The following MOG variants were observed in gnomAD, a reference collection of about 807,000 sequenced individuals.
MOG encodes myelin oligodendrocyte glycoprotein, also known as myelin-oligodendrocyte glycoprotein.
MOG carries 20 observed loss-of-function variants against 35.9 expected under a neutral mutation model. That is an observed-to-expected ratio of 0.56 (90% CI 0.39 to 0.81). The LOEUF (loss-of-function observed/expected upper bound fraction) is 0.81. MOG is among the 30% of genes least tolerant of loss of function. The pLI, the probability that MOG is intolerant of heterozygous loss-of-function variation, is 0.00. For missense variants in MOG, 251 were observed against 301.0 expected (o/e 0.83, Z 1.23); for synonymous variants, 92 against 114.3 (o/e 0.80, Z 1.25).
At chr6:29,661,537 C>G in intron 2 of MOG, 2 of 985,166 alleles carry the variant, frequency 2.0e-6, no homozygotes, top group Non-Finnish European at 2.4e-6. Context: ...AAAAGGAAGA[C>G]AAGCCGGTTG....
At position 29,659,467 on chromosome 6, in the gene MOG, C is replaced by G; in HGVS notation, c.237C>G (p.Leu79=). 1 of 1,613,010 alleles carries G rather than the reference C, an allele frequency of 6.2e-7. No individual in the cohort carries two copies. The highest frequency in any genetic ancestry group is 1.3e-5 in the African/African-American group (1 of 75,006). The part of the protein sequence containing the change: ...YRPPFSRVVH[L]YRNGKDQDGD... ...CCCCCTTCTCTAGGGTGGTTCATCT[C>G]TACAGAAATGGCAAGGACCAAGATG... Residue 79 remains leucine (L), a synonymous_variant, in exon 2 of 8, where the codon CTC becomes CTG. Coordinates refer to ENST00000376917, the MANE Select transcript of MOG (RefSeq NM_206809.4).
At chr6:29,660,939 C>T (rs1421985755) in intron 2 of MOG, among the ~76,000 whole-genome samples, 1 of 151,982 alleles carries the variant, frequency 6.6e-6, no homozygotes, top group Non-Finnish European at 1.5e-5. Context: ...AAACTCCTGA[C>T]CTCAGGTGAT....
rs905751290 is a variant in MOG, at chr6:29,659,338, A to G, written c.108A>G (p.Gly36=). The change falls in exon 2 of 8, where the codon GGA becomes GGG. Residue 36 remains glycine, a synonymous_variant. Coordinates refer to ENST00000376917, the MANE Select transcript of MOG (RefSeq NM_206809.4). ...SSYAGQFRVI[G]PRHPIRALVG... is the part of the protein sequence containing the mutation. ...GGACAGGGCAGTTCAGAGTGATAGG[A>G]CCAAGACACCCTATCCGGGCTCTGG... The G allele has an allele frequency of 6.2e-7, 1 of 1,612,740 alleles. No homozygotes were observed. The highest frequency in any genetic ancestry group is 1.3e-5 in the African/African-American group (1 of 74,888).
At position 29,657,238 on chromosome 6, in the gene MOG, C is replaced by T; in HGVS notation, c.29C>T (p.Pro10Leu). 6.2e-7 allele frequency: 1 copy of T among 1,610,328 alleles called. No homozygotes were observed. The highest frequency in any genetic ancestry group is 8.5e-7 in the Non-Finnish European group (1 of 1,179,046). MASLSRPSLPSCLCSFLLLL... is the reference protein window; with the variant it reads MASLSRPSLLSCLCSFLLLL... ...GCAAGCTTATCAAGACCCTCTCTGC[C>T]CAGCTGCCTCTGCTCCTTCCTCCTC... Residue 10 changes from proline (P) to leucine (L), a missense_variant, in exon 1 of 8, where the codon CCC becomes CTC. Physicochemically the swap from Pro to Leu is moderately conservative, Grantham distance 98. Transcript: ENST00000376917.
intron 2 of MOG, among the ~76,000 whole-genome samples, chr6:29,660,562 G>GCA (rs35514085): frequency 0.054 from 6,955 of 129,026 alleles, 280 homozygotes; most frequent in African/African-American, 0.083. Flanking sequence ...ATTTGTGAGC[G>GCA]CACACACACA....
At chr6:29,668,891 C>T (rs1770787513) in intron 5 of MOG, among the ~76,000 whole-genome samples, 3 of 151,870 alleles carry the variant, frequency 2.0e-5, no homozygotes, top group Admixed American at 2.0e-4. Flanking sequence ...CAGTTATCAA[C>T]CGATAATCAC....
At position 29,659,306 on chromosome 6, in the gene MOG, G is replaced by C; in HGVS notation, c.89-13G>C. 3.1e-6 allele frequency: 5 copies of C among 1,612,536 alleles called. No homozygotes were observed. The highest frequency in any genetic ancestry group is 4.2e-6 in the Non-Finnish European group (5 of 1,179,718). ...TCTGACCTTAAATCTCTTCCTTTTG[G>C]TGTCTTGGACAGGGCAGTTCAGAGT... On this transcript the variant is annotated splice_polypyrimidine_tract_variant and intron_variant, in intron 1 of 7. Transcript: ENST00000376917.
At chr6:29,661,904 G>T in intron 2 of MOG, 2 of 984,614 alleles carry the variant, frequency 2.0e-6, no homozygotes, top group Non-Finnish European at 2.4e-6. Context: ...CTTTTGGGTT[G>T]CTATCCACAT....
At chr6:29,657,784 T>C (rs9500947) in intron 1 of MOG, among the ~76,000 whole-genome samples, 13,673 of 151,334 alleles carry the variant, frequency 0.09, 936 homozygotes, top group African/African-American at 0.18. Flanking sequence ...ACTGGGATTA[T>C]GGGCGTGAGC....
intron 2 of MOG, among the ~76,000 whole-genome samples, chr6:29,665,128 C>T (rs1044707741): frequency 6.0e-5 from 9 of 150,406 alleles, no homozygotes; most frequent in African/African-American, 2.2e-4. Context: ...TGGAGTTTCG[C>T]TCTTGTTGCC....
intron 2 of MOG, chr6:29,661,682 T>C: frequency 1.2e-6 from 1 of 808,136 alleles, no homozygotes; most frequent in Non-Finnish European, 1.5e-6. Flanking sequence ...TAGCCTGGCG[T>C]GGTGGCGCAT....
chr6:29,669,994 C>T, intron 5 of MOG: 1 of 680,292 alleles, frequency 1.5e-6, no homozygotes, highest in South Asian at 1.7e-5. Context: ...TGGTCTTGAA[C>T]TCTTGGCCTC....
In MOG at chr6:29,666,228, T is replaced by C. The variant is rs765324157; in HGVS notation, c.513T>C (p.Val171=). The C allele has an allele frequency of 4.3e-6, 7 of 1,612,488 alleles. No individual in the cohort carries two copies. Among genetic ancestry groups the C allele is most frequent in the African/African-American group, 4.0e-5 (3 of 74,906 alleles). ...VLPVLLLQIT[V]GLIFLCLQYR... ...CTGTGCTCCTCCTGCAGATCACTGT[T>C]GGCCTCATCTTCCTCTGCCTGCAGT... is the stretch of plus-strand genomic sequence containing the variant. Residue 171 remains valine, a synonymous_variant, in exon 3 of 8, where the codon GTT becomes GTC. Transcript: ENST00000376917.
At chr6:29,661,285 G>C in intron 2 of MOG, 2 of 698,400 alleles carry the variant, frequency 2.9e-6, no homozygotes, top group Non-Finnish European at 3.5e-6. Context: ...GGGACCAGAA[G>C]ATGGCATTGT....
intron 2 of MOG, among the ~76,000 whole-genome samples, chr6:29,660,425 G>A (rs1246394782): frequency 6.6e-6 from 1 of 150,764 alleles, no homozygotes; most frequent in Non-Finnish European, 1.5e-5. Flanking sequence ...CAGCTACTCG[G>A]GAGGCTGAGG....
In MOG at chr6:29,670,439, G is replaced by C. The variant is rs1583163819; in HGVS notation, c.709+42G>C. 6.3e-7 allele frequency: 1 copy of C among 1,589,452 alleles called. No individual in the cohort carries two copies. The highest frequency in any genetic ancestry group is 2.2e-5 in the East Asian group (1 of 44,784). ...GCAGGCAAGACCACCAAATAGTGGG[G>C]GACCAAGTCAGCTCTGAATGGGAAG... On this transcript the variant is annotated intron_variant, in intron 6 of 7. Coordinates refer to ENST00000376917, the MANE Select transcript of MOG (RefSeq NM_206809.4). The surrounding 1 kb of genome is among the most constrained non-coding windows in gnomAD (Gnocchi z 4.2).
chr6:29,671,375 C>T lies in MOG; in HGVS notation c.*190C>T. On this transcript the variant is annotated 3_prime_UTR_variant, in exon 8 of 8. Transcript: ENST00000376917. Reference sequence around the variant, plus strand: ...CCTTCTTCTGTCATCTACCTTTTCTCTTCATTTTCCCATTTTTATTACCCT... The same window carrying T: ...CCTTCTTCTGTCATCTACCTTTTCTTTTCATTTTCCCATTTTTATTACCCT... The T allele has an allele frequency of 6.2e-7, 1 of 1,612,472 alleles. No homozygotes were observed. Among genetic ancestry groups the T allele is most frequent in the Non-Finnish European group, 8.5e-7 (1 of 1,179,706 alleles).
chr6:29,659,426 G>A lies in MOG; in HGVS notation c.196G>A (p.Val66Met), dbSNP rs529478745. 6.2e-7 allele frequency: 1 copy of A among 1,613,042 alleles called. No individual in the cohort carries two copies. Among genetic ancestry groups the A allele is most frequent in the East Asian group, 2.2e-5 (1 of 44,874 alleles). ...SPGKNATGME[V>M]GWYRPPFSRV... ...TGGGAAGAACGCTACAGGCATGGAG[G>A]TGGGGTGGTACCGCCCCCCCTTCTC... The change falls in exon 2 of 8, where the codon GTG (valine) becomes ATG (methionine). Residue 66 changes from valine (V) to methionine (M), a missense_variant. Coordinates refer to ENST00000376917, the MANE Select transcript of MOG (RefSeq NM_206809.4).
chr6:29,667,574 G>A, intron 3 of MOG, 69 bp from the exon 4 acceptor site: 1 of 1,535,234 alleles, frequency 6.5e-7, no homozygotes, highest in Non-Finnish European at 9.0e-7. Context: ...CCCAGGCGCT[G>A]GGTGTGGGAG....
Sources: gnomAD v4.1 joint callset for allele counts (sites outside exome capture counted in the v4.1 genomes callset) on GRCh38, gnomAD v4.1.1 for gene constraint, Gnocchi (gnomAD v3.1) non-coding constraint, MANE v1.5 for transcripts, NCBI Gene and HGNC (gene_info 2026-07-23, HGNC 2026-07-21) for gene names.